The following SLC24A2 variants were observed in gnomAD, a reference collection of about 807,000 sequenced individuals.
SLC24A2 encodes solute carrier family 24 member 2.
SLC24A2 carries 36 observed loss-of-function variants against 62.0 expected under a neutral mutation model. That is an observed-to-expected ratio of 0.58 (90% CI 0.44 to 0.77). SLC24A2 has a LOEUF of 0.77. Among genes scored for constraint, SLC24A2 ranks in the 30% least tolerant of loss-of-function variants. The probability of loss-of-function intolerance (pLI) is 0.00; values close to 1 mark genes in which losing one functional copy is unlikely to be tolerated. For synonymous variants in SLC24A2, 358 were observed against 294.0 expected, an observed-to-expected ratio of 1.22 and a Z score of -2.23; for missense variants, 846 against 817.9, an observed-to-expected ratio of 1.03 and a Z score of -0.42.
intron 4 of SLC24A2, among the ~76,000 whole-genome samples, chr9:19,606,836 G>A (rs1009919724): frequency 2.0e-5 from 3 of 152,226 alleles, no homozygotes; most frequent in African/African-American, 7.2e-5. Context: ...AATGGCTGAA[G>A]TAAAGAGGCA....
At chr9:19,566,535 A>C (rs1367065688) in intron 7 of SLC24A2, among the ~76,000 whole-genome samples, 1 of 151,980 alleles carries the variant, frequency 6.6e-6, no homozygotes, top group Non-Finnish European at 1.5e-5. Flanking sequence ...TAGTTCAACC[A>C]TTGTGGAAGA....
At chr9:20,087,247 T>C in the SLC24A2 span, among the ~76,000 whole-genome samples, 1,504 of 152,324 alleles carry the variant, frequency 9.9e-3, 23 homozygotes, top group African/African-American at 0.034. Context: ...TGCCAGACAT[T>C]GTTCTAAACC....
chr9:20,170,017 A>G, the SLC24A2 span, among the ~76,000 whole-genome samples: 1 of 152,040 alleles, frequency 6.6e-6, no homozygotes, highest in Non-Finnish European at 1.5e-5. Flanking sequence ...CAATTGGCAC[A>G]CTTATAGAAA....
At chr9:20,241,335 C>A in the SLC24A2 span, among the ~76,000 whole-genome samples, 1 of 152,156 alleles carries the variant, frequency 6.6e-6, no homozygotes. Flanking sequence ...ATTACCAGTT[C>A]AATTCAGCAG....
At chr9:20,032,125 C>T in the SLC24A2 span, among the ~76,000 whole-genome samples, 1 of 152,168 alleles carries the variant, frequency 6.6e-6, no homozygotes, top group African/African-American at 2.4e-5. Context: ...TCTATCTTAT[C>T]AGGTTCTTCA....
At chr9:19,651,333 A>G (rs1238910098) in intron 2 of SLC24A2, among the ~76,000 whole-genome samples, 2 of 152,230 alleles carry the variant, frequency 1.3e-5, no homozygotes, top group Admixed American at 6.5e-5. Context: ...GGTGAAGGTG[A>G]TGTTATCATT....
chr9:19,771,915 T>C (rs1267359946), intron 2 of SLC24A2, among the ~76,000 whole-genome samples: 6 of 152,064 alleles, frequency 3.9e-5, no homozygotes, highest in Admixed American at 6.6e-5. Context: ...GTTACATATA[T>C]TGGGGGATAG....
At chr9:19,830,148 C>T in the SLC24A2 span, among the ~76,000 whole-genome samples, 3 of 152,026 alleles carry the variant, frequency 2.0e-5, no homozygotes, top group Admixed American at 2.0e-4. Flanking sequence ...GCCATGCAGG[C>T]CTTGAGGCCA....
chr9:20,023,274 C>T, the SLC24A2 span, among the ~76,000 whole-genome samples: 1 of 152,156 alleles, frequency 6.6e-6, no homozygotes, highest in South Asian at 2.1e-4. Context: ...TTAATAAGAT[C>T]AATACACAGA....
At chr9:19,891,408 C>T in the SLC24A2 span, among the ~76,000 whole-genome samples, 1 of 152,182 alleles carries the variant, frequency 6.6e-6, no homozygotes, top group Non-Finnish European at 1.5e-5. Flanking sequence ...AACTCTGAGA[C>T]TGGGTAATTT....
At chr9:20,030,526 T>C in the SLC24A2 span, among the ~76,000 whole-genome samples, 3 of 152,138 alleles carry the variant, frequency 2.0e-5, no homozygotes, top group South Asian at 6.2e-4. Context: ...GGTGAGCCAG[T>C]CATCTGGTCA....
the SLC24A2 span, among the ~76,000 whole-genome samples, chr9:20,037,845 C>A: frequency 6.6e-6 from 1 of 152,136 alleles, no homozygotes. Flanking sequence ...GCAAAACATT[C>A]CACAAGGAAG....
the SLC24A2 span, among the ~76,000 whole-genome samples, chr9:20,300,630 C>T: frequency 5.9e-5 from 9 of 152,138 alleles, no homozygotes; most frequent in South Asian, 2.1e-4. Context: ...AGAGTCCCCA[C>T]CCAAGAACAT....
the SLC24A2 span, among the ~76,000 whole-genome samples, chr9:19,991,918 C>T: frequency 6.6e-6 from 1 of 152,012 alleles, no homozygotes; most frequent in Admixed American, 6.6e-5. Flanking sequence ...AGAGACATTT[C>T]CCAGGTAAAA....
At chr9:19,740,103 C>G (rs1042210001) in intron 2 of SLC24A2, among the ~76,000 whole-genome samples, 1 of 152,028 alleles carries the variant, frequency 6.6e-6, no homozygotes, top group African/African-American at 2.4e-5. Flanking sequence ...CAAGTGATGG[C>G]AAGGATATAG....
chr9:20,247,873 C>G, the SLC24A2 span, among the ~76,000 whole-genome samples: 1 of 152,168 alleles, frequency 6.6e-6, no homozygotes, highest in South Asian at 2.1e-4. Flanking sequence ...CTCTATGAGT[C>G]TTAGTTTCTT....
At chr9:19,572,893 G>A (rs1411313779) in intron 7 of SLC24A2, among the ~76,000 whole-genome samples, 1 of 152,136 alleles carries the variant, frequency 6.6e-6, no homozygotes, top group African/African-American at 2.4e-5. Context: ...TGATGGCTGT[G>A]GTTTCTCTAT....
the SLC24A2 span, among the ~76,000 whole-genome samples, chr9:20,030,509 C>T: frequency 6.6e-6 from 1 of 152,156 alleles, no homozygotes; most frequent in East Asian, 1.9e-4. Context: ...ACTGGCTGCA[C>T]CAATACGGTG....
the SLC24A2 span, among the ~76,000 whole-genome samples, chr9:19,968,360 G>A: frequency 1.3e-5 from 2 of 152,100 alleles, no homozygotes; most frequent in Non-Finnish European, 2.9e-5. Context: ...CAGTCACTAT[G>A]CTAAACTGTT....
Sources: allele counts gnomAD v4.1 joint callset (sites outside exome capture counted in the v4.1 genomes callset), GRCh38; gene constraint gnomAD v4.1.1; transcripts MANE v1.5; gene names NCBI Gene and HGNC (gene_info 2026-07-23, HGNC 2026-07-21).